Variants in KCNN2 observed in about 807,000 individuals in gnomAD.
The protein encoded by KCNN2 is potassium calcium-activated channel subfamily N member 2.
KCNN2 carries 24 observed loss-of-function variants against 55.5 expected under a neutral mutation model. The observed-to-expected ratio is 0.43, with a 90% confidence interval of 0.31 to 0.61. The LOEUF is 0.61. Among genes scored for constraint, KCNN2 ranks in the 20% least tolerant of loss-of-function variants. KCNN2 has a pLI of 0.08. For missense variants in KCNN2, 754 were observed against 853.6 expected, an observed-to-expected ratio of 0.88 and a Z score of 1.45; for synonymous variants, 431 against 336.1, an observed-to-expected ratio of 1.28 and a Z score of -3.09.
At chr5:114,329,435 C>T (rs1045262481) in intron 2 of KCNN2, among the ~76,000 whole-genome samples, 2 of 152,210 alleles carry the variant, frequency 1.3e-5, no homozygotes, top group Admixed American at 6.5e-5. Context: ...ATTTGACTTG[C>T]TGAGTCTTAC....
intron 1 of KCNN2, among the ~76,000 whole-genome samples, chr5:114,073,373 C>T (rs1420670336): frequency 6.6e-6 from 1 of 152,172 alleles, no homozygotes; most frequent in Non-Finnish European, 1.5e-5. Context: ...TGTATTCACT[C>T]TTTTCCTCTA....
Position 114,140,027 on chromosome 5 carries a change from C to A in KCNN2, c.-270-81453C>A, listed in dbSNP as rs561652915. On this transcript the variant is annotated intron_variant, in intron 1 of 10. Transcript: ENST00000512097. ...TGTGAAACAATGACACTCTTCTCAC[C>A]TACTGTTTTTGTTTTACAAGTCAAT... Among the ~76,000 whole-genome samples, 28 of 152,032 alleles carry A rather than the reference C, an allele frequency of 1.8e-4. No individual in the cohort carries two copies. The South Asian group carries it at 4.8e-3, about 26-fold the overall frequency.
At chr5:114,092,071 A>G (rs1012760236) in intron 1 of KCNN2, among the ~76,000 whole-genome samples, 9 of 152,226 alleles carry the variant, frequency 5.9e-5, no homozygotes, top group African/African-American at 1.2e-4. Context: ...GTCCAAGTCT[A>G]TCTGAGACAA....
intron 2 of KCNN2, among the ~76,000 whole-genome samples, chr5:114,281,933 G>C (rs1418314804): frequency 6.6e-6 from 1 of 151,646 alleles, no homozygotes; most frequent in Non-Finnish European, 1.5e-5. Context: ...TATTTTTCTG[G>C]AAAGTCACCC....
chr5:114,098,132 A>G (rs1410104264), intron 1 of KCNN2, among the ~76,000 whole-genome samples: 1 of 151,922 alleles, frequency 6.6e-6, no homozygotes, highest in African/African-American at 2.4e-5. Context: ...CTGTCATCAC[A>G]TGGCCTTCTT....
chr5:114,288,215 G>C (rs1306810391), intron 2 of KCNN2, among the ~76,000 whole-genome samples: 2 of 152,066 alleles, frequency 1.3e-5, no homozygotes, highest in Non-Finnish European at 2.9e-5. Context: ...ATTTCCTTCT[G>C]TGTATATACC....
At position 114,481,804 on chromosome 5, in the gene KCNN2, A is replaced by T. The variant is rs548655460; in HGVS notation, c.1891-5246A>T. On this transcript the variant is annotated intron_variant, in intron 5 of 7. Coordinates refer to ENST00000673685, the MANE Select transcript of KCNN2 (RefSeq NM_021614.4). The stretch of plus-strand genomic sequence containing the variant: ...TGCAGAAAGGAGTCCCTATTTAATA[A>T]ATGATGCTGGGAGATCTGGCTAGCT... Among the ~76,000 whole-genome samples the T allele has an allele frequency of 5.6e-4, 86 of 152,332 alleles. 1 individual carries two copies. The highest frequency in any genetic ancestry group is 2.0e-3 in the African/African-American group (83 of 41,570).
chr5:114,349,995 G>A (rs1757178521), intron 2 of KCNN2, among the ~76,000 whole-genome samples: 1 of 151,870 alleles, frequency 6.6e-6, no homozygotes, highest in African/African-American at 2.4e-5. Context: ...TTCTTTAGTG[G>A]CCAATGATGT....
At chr5:114,283,554 C>G (rs931691799) in intron 2 of KCNN2, among the ~76,000 whole-genome samples, 1 of 152,054 alleles carries the variant, frequency 6.6e-6, no homozygotes, top group Admixed American at 6.6e-5. Context: ...ATTGTTGGTA[C>G]TGATTTTGAC....
Position 114,362,895 on chromosome 5 carries a change from C to T in KCNN2, c.756C>T (p.Val252=), listed in dbSNP as rs755351182. ...AGCCCCTGCAGCCCCCCGCGTCTGT[C>T]GGAGGAGGTGGCGGCGCGTCCTCCC... is the stretch of plus-strand genomic sequence containing the variant. The part of the protein sequence containing the change: ...EAQPLQPPAS[V]GGGGGASSPS... Residue 252 remains valine, a synonymous_variant, in exon 1 of 8, where the codon GTC becomes GTT. Coordinates refer to ENST00000673685, the MANE Select transcript of KCNN2 (RefSeq NM_021614.4). The T allele has an allele frequency of 1.9e-6, 3 of 1,596,238 alleles. No individual in the cohort carries two copies. Among genetic ancestry groups the T allele is most frequent in the South Asian group, 1.1e-5 (1 of 90,464 alleles).
chr5:114,106,643 G>GGT (rs1554068841), intron 1 of KCNN2, among the ~76,000 whole-genome samples: 9 of 69,932 alleles, frequency 1.3e-4, no homozygotes, highest in Non-Finnish European at 2.5e-4. Flanking sequence ...TTTTCCAGTT[G>GGT]TTTTTTTTTT....
chr5:114,337,314 C>T (rs529867177), intron 2 of KCNN2, among the ~76,000 whole-genome samples: 1 of 152,232 alleles, frequency 6.6e-6, no homozygotes, highest in Non-Finnish European at 1.5e-5. Context: ...GGATGAGCAG[C>T]TGAGACAGTA....
At chr5:114,206,699 C>A (rs191057221) in intron 1 of KCNN2, among the ~76,000 whole-genome samples, 163 of 152,118 alleles carry the variant, frequency 1.1e-3, no homozygotes, top group Non-Finnish European at 1.9e-3. Context: ...TCCACACAGT[C>A]AGAGCAGCCT....
intron 2 of KCNN2, among the ~76,000 whole-genome samples, chr5:114,382,496 A>G (rs1001628385): frequency 6.6e-6 from 1 of 152,188 alleles, no homozygotes; most frequent in Non-Finnish European, 1.5e-5. Flanking sequence ...GTGTTTACTC[A>G]TATATTGGCA....
intron 3 of KCNN2, among the ~76,000 whole-genome samples, chr5:114,428,364 G>T (rs956599778): frequency 6.6e-6 from 1 of 152,088 alleles, no homozygotes. Flanking sequence ...TAGTTATTCA[G>T]ATATATTTGC....
chr5:114,100,909 T>C (rs1751360459), intron 1 of KCNN2, among the ~76,000 whole-genome samples: 1 of 151,932 alleles, frequency 6.6e-6, no homozygotes, highest in South Asian at 2.1e-4. Flanking sequence ...TATAAGTCCA[T>C]AGTTACATTA....
chr5:114,215,425 ATATTCCT>A (rs1753982731), intron 1 of KCNN2, among the ~76,000 whole-genome samples: 1 of 152,158 alleles, frequency 6.6e-6, no homozygotes, highest in Non-Finnish European at 1.5e-5. Context: ...ATTGTGAAAC[ATATTCCT>A]TATACTTGGT....
intron 1 of KCNN2, among the ~76,000 whole-genome samples, chr5:114,107,324 G>A (rs1751508384): frequency 6.6e-6 from 1 of 151,952 alleles, no homozygotes; most frequent in African/African-American, 2.4e-5. Context: ...ATCTGATAGT[G>A]TAACTCCTCC....
intron 2 of KCNN2, among the ~76,000 whole-genome samples, chr5:114,396,656 C>G (rs935317223): frequency 6.6e-6 from 1 of 151,364 alleles, no homozygotes; most frequent in South Asian, 2.1e-4. Context: ...TCAGGTGATT[C>G]TCCTGCCTCA....
Sources: gnomAD v4.1 joint callset for allele counts (sites outside exome capture counted in the v4.1 genomes callset) on GRCh38, gnomAD v4.1.1 for gene constraint, MANE v1.5 for transcripts, NCBI Gene and HGNC (gene_info 2026-07-23, HGNC 2026-07-21) for gene names.